Variants in ZNF391 observed in about 807,000 individuals in gnomAD.
ZNF391 encodes zinc finger protein 391.
For missense variants in ZNF391, 375 were observed against 425.5 expected, an observed-to-expected ratio of 0.88 and a Z score of 1.04; for synonymous variants, 126 against 142.1, an observed-to-expected ratio of 0.89 and a Z score of 0.80.
chr6:27,396,689 T>C (rs1448475481), intron 1 of ZNF391, among the ~76,000 whole-genome samples: 2 of 152,124 alleles, frequency 1.3e-5, no homozygotes, highest in African/African-American at 4.8e-5. Flanking sequence ...ATTGTACCGC[T>C]GCACTCCAGC....
At position 27,401,148 on chromosome 6, in the gene ZNF391, T is replaced by C. The variant is rs202021912; in HGVS notation, c.778T>C (p.Trp260Arg). The C allele has an allele frequency of 2.5e-6, 4 of 1,614,192 alleles. No individual in the cohort carries two copies. The highest frequency in any genetic ancestry group is 2.7e-5 in the African/African-American group (2 of 75,036). Residue 260 changes from tryptophan (W) to arginine (R), a missense_variant, in exon 3 of 3, where the codon TGG becomes CGG. Transcript: ENST00000244576. Reference sequence around the variant, plus strand: ...CAGTAAATGTGGAAAAGCTTTCAGTTGGATCTCATCGCTTACTGAACATCA... The same window carrying C: ...CAGTAAATGTGGAAAAGCTTTCAGTCGGATCTCATCGCTTACTGAACATCA... Reference protein sequence around the residue: ...ECSKCGKAFSWISSLTEHQRT... With the variant: ...ECSKCGKAFSRISSLTEHQRT...
intron 2 of ZNF391, 118 bp from the exon 3 acceptor site, chr6:27,400,175 C>T: frequency 6.2e-6 from 3 of 486,864 alleles, no homozygotes; most frequent in Middle Eastern, 5.5e-4. Flanking sequence ...TTTGTTTACT[C>T]CTCATATAAA....
At chr6:27,383,467 G>C (rs900762779) in intron 1 of ZNF391, among the ~76,000 whole-genome samples, 1 of 152,208 alleles carries the variant, frequency 6.6e-6, no homozygotes, top group Non-Finnish European at 1.5e-5. Flanking sequence ...CATAGACAAG[G>C]TGCCTTATTA....
chr6:27,385,639 A>G (rs1338699745), upstream of ZNF391, among the ~76,000 whole-genome samples: 16 of 152,190 alleles, frequency 1.1e-4, no homozygotes, highest in Non-Finnish European at 2.2e-4. Flanking sequence ...CATGAGGCAA[A>G]AACTGATAGA....
intron 1 of ZNF391, among the ~76,000 whole-genome samples, chr6:27,378,531 T>C (rs1761450623): frequency 6.6e-6 from 1 of 152,112 alleles, no homozygotes; most frequent in African/African-American, 2.4e-5. Context: ...GGTAATGTCA[T>C]CAGTTAAGGC....
rs1561816883 is a variant in ZNF391, at chr6:27,403,451, T to C, written c.*2004T>C. The C allele has an allele frequency of 6.6e-6, 1 of 152,220 alleles. No individual in the cohort carries two copies. The highest frequency in any genetic ancestry group is 1.5e-5 in the Non-Finnish European group (1 of 68,038). 9.4% of individuals were successfully genotyped at this position (152,220 alleles called of 1,614,324 possible). ...TTTCAGTCCCCTGCCTTCTTAGAAATCCTTTGTAGTGATGGTTTGCATTAT... is the reference window on the plus strand; with the variant it reads ...TTTCAGTCCCCTGCCTTCTTAGAAACCCTTTGTAGTGATGGTTTGCATTAT... On this transcript the variant is annotated 3_prime_UTR_variant, in exon 3 of 3. Transcript: ENST00000244576.
intron 1 of ZNF391, among the ~76,000 whole-genome samples, chr6:27,382,052 G>T (rs1158798355): frequency 5.8e-5 from 3 of 51,666 alleles, no homozygotes; most frequent in Non-Finnish European, 8.9e-5. Flanking sequence ...AAAAAAAAAG[G>T]CCGGCTGCGT....
chr6:27,396,316 C>G (rs990008239), intron 1 of ZNF391, among the ~76,000 whole-genome samples: 2 of 152,190 alleles, frequency 1.3e-5, no homozygotes, highest in Admixed American at 1.3e-4. Flanking sequence ...ATTAGAATCA[C>G]TGAATACAAC....
At chr6:27,399,187 C>G (rs954244780) in intron 1 of ZNF391, among the ~76,000 whole-genome samples, 2 of 152,150 alleles carry the variant, frequency 1.3e-5, no homozygotes, top group Non-Finnish European at 2.9e-5. Flanking sequence ...GTTCAGATAT[C>G]TGGAGTAACA....
intron 1 of ZNF391, among the ~76,000 whole-genome samples, chr6:27,380,771 A>T (rs1269818611): frequency 6.7e-6 from 1 of 149,032 alleles, no homozygotes; most frequent in East Asian, 2.0e-4. Flanking sequence ...TCCCCACCAG[A>T]TTAGCTAGAT....
At position 27,400,379 on chromosome 6, in the gene ZNF391, C is replaced by T; in HGVS notation, c.9C>T (p.Ser3=). The T allele has an allele frequency of 6.2e-7, 1 of 1,600,058 alleles. No individual in the cohort carries two copies. Among genetic ancestry groups the T allele is most frequent in the Non-Finnish European group, 8.5e-7 (1 of 1,174,478 alleles). Residue 3 remains serine (S), a synonymous_variant, in exon 3 of 3, where the codon AGC becomes AGT. Transcript: ENST00000244576. The stretch of plus-strand genomic sequence containing the variant: ...AGTTTTCTGGGTCAGCAATGGAAAG[C>T]CTCAGAGGGAATACTGCTCAGGGTC... The part of the protein sequence containing the change: ME[S]LRGNTAQGPT...
In ZNF391 at chr6:27,403,400, A is replaced by G. The variant is rs1039738675; in HGVS notation, c.*1953A>G. The stretch of plus-strand genomic sequence containing the variant: ...CCCTATCCACCCTTTTTTAAAGGCC[A>G]TGCTCATATCCTGGCTCTGTGACAC... On this transcript the variant is annotated 3_prime_UTR_variant, in exon 3 of 3. Transcript: ENST00000244576. 3 of 152,112 alleles carry G rather than the reference A, an allele frequency of 2.0e-5. No individual in the cohort carries two copies. Among genetic ancestry groups the G allele is most frequent in the African/African-American group, 7.2e-5 (3 of 41,428 alleles). 9.4% of individuals were successfully genotyped at this position (152,112 alleles called of 1,614,324 possible).
intron 1 of ZNF391, among the ~76,000 whole-genome samples, chr6:27,381,209 G>A (rs1233441565): frequency 2.6e-5 from 4 of 152,252 alleles, no homozygotes; most frequent in African/African-American, 7.2e-5. Context: ...CGAGGCCTGC[G>A]CCGCGGGAAG....
In ZNF391 at chr6:27,401,836, C is replaced by T. The variant is rs1761978093; in HGVS notation, c.*389C>T. On this transcript the variant is annotated 3_prime_UTR_variant, in exon 3 of 3. Transcript: ENST00000244576. ...ATCTATTCCTTCAAGCGTGGGTCCC[C>T]GAACCACCAGGTTCTCCTCTGTTTT... is the stretch of plus-strand genomic sequence containing the variant. 1 of 160,490 alleles carries T rather than the reference C, an allele frequency of 6.2e-6. No homozygotes were observed. The highest frequency in any genetic ancestry group is 2.4e-5 in the African/African-American group (1 of 41,500). 9.9% of individuals were successfully genotyped at this position (160,490 alleles called of 1,614,324 possible).
intron 1 of ZNF391, among the ~76,000 whole-genome samples, chr6:27,394,776 CAGA>C (rs1429118153): frequency 2.6e-5 from 4 of 152,244 alleles, no homozygotes; most frequent in Non-Finnish European, 5.9e-5. Flanking sequence ...TGCAAAGCCA[CAGA>C]AGTGGAACTG....
In ZNF391 at chr6:27,401,543, A is replaced by C. The variant is rs1761970090; in HGVS notation, c.*96A>C. ...TTCAAGTATATATATACTTGTTCTA[A>C]TTTTCTTTTATTAGATACCTATACC... On this transcript the variant is annotated 3_prime_UTR_variant, in exon 3 of 3. Transcript: ENST00000244576. 2.2e-6 allele frequency: 2 copies of C among 915,832 alleles called. No homozygotes were observed. The highest frequency in any genetic ancestry group is 3.3e-5 in the African/African-American group (2 of 59,730). The allele number at this position is 915,832 out of a possible 1,614,324, so 56.7% of individuals were successfully genotyped here. A position where few individuals can be genotyped will look rare whatever the true frequency, so the allele number is the denominator to read the frequency against.
intron 2 of ZNF391, 121 bp from the exon 3 acceptor site, chr6:27,400,172 A>C: frequency 2.1e-6 from 1 of 475,740 alleles, no homozygotes. Flanking sequence ...TTTTTTGTTT[A>C]CTCCTCATAT....
intron 1 of ZNF391, among the ~76,000 whole-genome samples, chr6:27,379,471 T>C (rs1761465209): frequency 6.6e-6 from 1 of 152,246 alleles, no homozygotes; most frequent in Non-Finnish European, 1.5e-5. Context: ...CTTCCTCCTA[T>C]GTTGTAGGTA....
intron 1 of ZNF391, among the ~76,000 whole-genome samples, chr6:27,381,198 C>T (rs534576596): frequency 2.6e-5 from 4 of 152,236 alleles, no homozygotes; most frequent in Non-Finnish European, 5.9e-5. Context: ...GCTGCAGGTC[C>T]CGAGGCCTGC....
Sources: allele counts gnomAD v4.1 joint callset (sites outside exome capture counted in the v4.1 genomes callset), GRCh38; gene constraint gnomAD v4.1.1; transcripts MANE v1.5; gene names NCBI Gene and HGNC (gene_info 2026-07-23, HGNC 2026-07-21).